Variants in TRPM3 observed in about 807,000 individuals in gnomAD.
TRPM3 encodes transient receptor potential cation channel subfamily M member 3, also known as long transient receptor potential channel 3.
In TRPM3, 77 loss-of-function variants were observed where a neutral mutation model predicts 181.2. The observed-to-expected ratio is 0.42, with a 90% CI of 0.35 to 0.51. TRPM3 has a LOEUF of 0.51. TRPM3 is among the 20% of genes least tolerant of loss of function. The pLI is 0.01. For synonymous variants in TRPM3, 745 were observed against 796.4 expected (o/e 0.94, Z 1.09); for missense variants, 1,759 against 2,196.7 (o/e 0.80, Z 3.98).
chr9:71,353,010 C>T (rs947337378), intron 1 of TRPM3, among the ~76,000 whole-genome samples: 1 of 152,146 alleles, frequency 6.6e-6, no homozygotes, highest in Non-Finnish European at 1.5e-5. Flanking sequence ...CCATCCCACA[C>T]CAACCAAATC....
intron 1 of TRPM3, among the ~76,000 whole-genome samples, chr9:71,117,449 C>T (rs939807009): frequency 6.6e-6 from 1 of 152,110 alleles, no homozygotes; most frequent in Non-Finnish European, 1.5e-5. Context: ...TTACCCGTTT[C>T]CTTCTTCCAT....
At chr9:71,072,603 G>A (rs1239212883) in intron 1 of TRPM3, among the ~76,000 whole-genome samples, 3 of 152,246 alleles carry the variant, frequency 2.0e-5, no homozygotes, top group South Asian at 2.1e-4. Flanking sequence ...ATCAAGAGCT[G>A]GACCCAACCC....
chr9:70,537,459 T>C, intron 25 of TRPM3, 54 bp from the exon 26 acceptor site: 2 of 1,391,114 alleles, frequency 1.4e-6, no homozygotes. Flanking sequence ...CTGCTGGGGC[T>C]TTAGAGAGCA....
At chr9:70,815,462 G>T (rs1403107690) in intron 6 of TRPM3, among the ~76,000 whole-genome samples, 3 of 152,126 alleles carry the variant, frequency 2.0e-5, no homozygotes, top group Non-Finnish European at 4.4e-5. Context: ...CGCTATTTAT[G>T]CACCCACAAT....
At chr9:71,139,722 G>C (rs1268431691) in intron 1 of TRPM3, among the ~76,000 whole-genome samples, 2 of 152,170 alleles carry the variant, frequency 1.3e-5, no homozygotes, top group African/African-American at 4.8e-5. Context: ...GCCAGCCACA[G>C]TGCTAAGAAA....
intron 1 of TRPM3, among the ~76,000 whole-genome samples, chr9:70,936,615 G>C: frequency 6.6e-6 from 1 of 152,108 alleles, no homozygotes; most frequent in South Asian, 2.1e-4. Flanking sequence ...TTTGGATATG[G>C]TTCAGAGAAA....
chr9:70,974,395 C>A (rs1173365918), intron 1 of TRPM3, among the ~76,000 whole-genome samples: 1 of 104,900 alleles, frequency 9.5e-6, no homozygotes, highest in Admixed American at 9.9e-5. Flanking sequence ...AAAAATTAGC[C>A]GCGCGTGGTG....
intron 19 of TRPM3, among the ~76,000 whole-genome samples, chr9:70,606,274 C>CT (rs1316268576): frequency 1.3e-5 from 2 of 152,164 alleles, no homozygotes; most frequent in East Asian, 1.9e-4. Context: ...TTCTGTTATT[C>CT]TTTTTGTCTC....
At chr9:71,439,291 C>T (rs2094096777) in intron 1 of TRPM3, among the ~76,000 whole-genome samples, 1 of 152,204 alleles carries the variant, frequency 6.6e-6, no homozygotes, top group Non-Finnish European at 1.5e-5. Context: ...TCCTGTCAAA[C>T]AAAAGCAACT....
At chr9:70,681,936 G>A (rs1476096951) in intron 8 of TRPM3, among the ~76,000 whole-genome samples, 1 of 152,150 alleles carries the variant, frequency 6.6e-6, no homozygotes, top group Non-Finnish European at 1.5e-5. Context: ...ATGATTAATA[G>A]TCATTATAAA....
intron 6 of TRPM3, among the ~76,000 whole-genome samples, chr9:70,812,650 C>T (rs144160717): frequency 6.6e-6 from 1 of 152,266 alleles, no homozygotes; most frequent in East Asian, 1.9e-4. Context: ...AAATAGACAA[C>T]ACCACAAACC....
chr9:70,595,275 T>C (rs544221509), intron 21 of TRPM3, among the ~76,000 whole-genome samples: 1 of 152,292 alleles, frequency 6.6e-6, no homozygotes, highest in East Asian at 1.9e-4. Context: ...TTTGTTAAAA[T>C]AAAATAAGGT....
intron 1 of TRPM3, among the ~76,000 whole-genome samples, chr9:70,907,619 C>T (rs2096485642): frequency 2.6e-5 from 4 of 152,132 alleles, no homozygotes; most frequent in Admixed American, 2.6e-4. Flanking sequence ...TTGCATGACA[C>T]TGAGGTTTGA....
chr9:71,340,594 A>G (rs2090892915), intron 1 of TRPM3, among the ~76,000 whole-genome samples: 1 of 151,678 alleles, frequency 6.6e-6, no homozygotes, highest in South Asian at 2.1e-4. Flanking sequence ...GATTGTGAGG[A>G]CTCCCCAGCC....
At chr9:70,851,959 A>G (rs1240835415) in intron 3 of TRPM3, among the ~76,000 whole-genome samples, 1 of 151,692 alleles carries the variant, frequency 6.6e-6, no homozygotes, top group Non-Finnish European at 1.5e-5. Flanking sequence ...CTCTACTAAA[A>G]ATACAAAAAA....
chr9:70,845,494 C>T (rs907696834), intron 4 of TRPM3, among the ~76,000 whole-genome samples: 9 of 152,138 alleles, frequency 5.9e-5, no homozygotes, highest in African/African-American at 1.9e-4. Flanking sequence ...CCTGCCTCGG[C>T]CTCCCAAAGA....
chr9:70,641,403 T>G (rs766911919), intron 9 of TRPM3, among the ~76,000 whole-genome samples: 70 of 152,242 alleles, frequency 4.6e-4, no homozygotes, highest in Non-Finnish European at 6.9e-4. Flanking sequence ...ATGGGGAGGG[T>G]GCTCTCATCA....
chr9:70,887,950 G>A (rs940644277), intron 1 of TRPM3, among the ~76,000 whole-genome samples: 2 of 152,162 alleles, frequency 1.3e-5, no homozygotes, highest in African/African-American at 4.8e-5. Flanking sequence ...GCCCTAATTG[G>A]TCAACTGGAC....
chr9:71,002,229 G>T (rs892655006), intron 1 of TRPM3, among the ~76,000 whole-genome samples: 1 of 152,176 alleles, frequency 6.6e-6, no homozygotes, highest in Non-Finnish European at 1.5e-5. Flanking sequence ...ATCCTTCAGA[G>T]TTCACCTTTG....
Sources: allele counts gnomAD v4.1 joint callset (sites outside exome capture counted in the v4.1 genomes callset), GRCh38; gene constraint gnomAD v4.1.1; transcripts MANE v1.5; gene names NCBI Gene and HGNC (gene_info 2026-07-23, HGNC 2026-07-21).